Variants in SGTA observed in about 807,000 individuals in gnomAD.
SGTA encodes small glutamine-rich tetratricopeptide repeat-containing protein alpha.
In SGTA, 22 loss-of-function variants were observed where a neutral mutation model predicts 44.3. The ratio of observed to expected loss-of-function variants is 0.50; its 90% CI spans 0.36 to 0.71. The LOEUF (loss-of-function observed/expected upper bound fraction) is 0.71. SGTA is among the 30% of genes least tolerant of loss of function. SGTA has a pLI of 0.00. For synonymous variants in SGTA, 174 were observed against 177.6 expected, an observed-to-expected ratio of 0.98 and a Z score of 0.16; for missense variants, 341 against 435.9, an observed-to-expected ratio of 0.78 and a Z score of 1.94.
intron 1 of SGTA, among the ~76,000 whole-genome samples, chr19:2,783,027 G>A (rs1203619728): frequency 6.6e-6 from 1 of 152,258 alleles, no homozygotes; most frequent in Non-Finnish European, 1.5e-5. Flanking sequence ...AGGACCTGGG[G>A]CCTGGGGAAG....
chr19:2,759,730 G>A (rs1402771334), intron 8 of SGTA, among the ~76,000 whole-genome samples: 1 of 152,182 alleles, frequency 6.6e-6, no homozygotes, highest in Non-Finnish European at 1.5e-5. Context: ...GGAGGCCGAG[G>A]CAGGCAGATC....
At position 2,769,023 on chromosome 19, in the gene SGTA, G is replaced by C; in HGVS notation, c.46C>G (p.His16Asp). The change falls in exon 2 of 12, where the codon CAT (histidine) becomes GAT (aspartate). Residue 16 changes from histidine (H) to aspartate (D), a missense_variant. Physicochemically the swap from His to Asp is moderately conservative, Grantham distance 81 (BLOSUM62 -1). Coordinates refer to ENST00000221566, the MANE Select transcript of SGTA (RefSeq NM_003021.4). Reference sequence around the variant, plus strand: ...AGGCCCCCGTGCCGGAGCTGGTCATGCAGGAACTGGATGATGGCGTAGGCC... The same window carrying C: ...AGGCCCCCGTGCCGGAGCTGGTCATCCAGGAACTGGATGATGGCGTAGGCC... Reference protein sequence around the residue: ...RLAYAIIQFLHDQLRHGGLSS... With the variant: ...RLAYAIIQFLDDQLRHGGLSS... The C allele has an allele frequency of 6.2e-7, 1 of 1,614,032 alleles. No homozygotes were observed.
rs1471967447 is a variant in SGTA at position 2,763,255 on chromosome 19, C to A, written c.497+398G>T. Among the ~76,000 whole-genome samples the A allele has an allele frequency of 1.3e-5, 2 of 152,200 alleles. No homozygotes were observed. The highest frequency in any genetic ancestry group is 4.8e-5 in the African/African-American group (2 of 41,442). Reference sequence around the variant, plus strand: ...TGCTGGGAGGGCGGCACCGGCTGCACGGGGCGCAGGCTCCTGCCCCGGGGA... The same window carrying A: ...TGCTGGGAGGGCGGCACCGGCTGCAAGGGGCGCAGGCTCCTGCCCCGGGGA... On this transcript the variant is annotated intron_variant, in intron 6 of 11. Transcript: ENST00000221566. The surrounding 1 kb of genome is among the most constrained non-coding windows in gnomAD (Gnocchi z 5.8).
chr19:2,764,315 C>T lies in SGTA; in HGVS notation c.393-558G>A, dbSNP rs142953801. ...GATCCAAGACCACACATTCAAAAAA[C>T]ACAACCCTCCACATACTGGATTATT... On this transcript the variant is annotated intron_variant, in intron 5 of 11. Coordinates refer to ENST00000221566, the MANE Select transcript of SGTA (RefSeq NM_003021.4). Among the ~76,000 whole-genome samples the T allele has an allele frequency of 2.0e-5, 3 of 152,354 alleles. No individual in the cohort carries two copies. The East Asian group carries it at 5.8e-4, about 29-fold the overall frequency.
chr19:2,764,276 G>A (rs1456558060), intron 5 of SGTA, among the ~76,000 whole-genome samples: 1 of 152,208 alleles, frequency 6.6e-6, no homozygotes, highest in Non-Finnish European at 1.5e-5. Flanking sequence ...CAACTGTCCT[G>A]TAAGCCTGAA....
intron 11 of SGTA, among the ~76,000 whole-genome samples, chr19:2,756,954 C>T (rs1196574522): frequency 6.6e-6 from 1 of 152,216 alleles, no homozygotes; most frequent in Non-Finnish European, 1.5e-5. Flanking sequence ...CTCGCCCCCA[C>T]CCCCGAGGTG....
intron 2 of SGTA, 116 bp downstream of exon 2, chr19:2,768,853 C>T (rs1915220999): frequency 1.3e-6 from 1 of 767,232 alleles, no homozygotes; most frequent in Non-Finnish European, 2.2e-6. Flanking sequence ...CTGGGCTTAG[C>T]TTCCACCCCC....
At chr19:2,759,119 G>T in intron 9 of SGTA, 138 bp downstream of exon 9, 1 of 748,706 alleles carries the variant, frequency 1.3e-6, no homozygotes, top group Non-Finnish European at 2.4e-6. Context: ...AGTGGTGACA[G>T]TTGCATGACA....
chr19:2,768,279 T>C (rs1182797997), intron 2 of SGTA, among the ~76,000 whole-genome samples: 2 of 151,914 alleles, frequency 1.3e-5, no homozygotes, highest in Non-Finnish European at 2.9e-5. Context: ...CCCAGGGTCC[T>C]AACCCAGGTC....
At chr19:2,764,446 G>A (rs1272930537) in intron 5 of SGTA, among the ~76,000 whole-genome samples, 1 of 151,444 alleles carries the variant, frequency 6.6e-6, no homozygotes, top group Non-Finnish European at 1.5e-5. Context: ...TGCCCAGGCT[G>A]GAGTGCAGTG....
chr19:2,764,140 G>A (rs898645939), intron 5 of SGTA, among the ~76,000 whole-genome samples: 4 of 152,328 alleles, frequency 2.6e-5, no homozygotes, highest in Admixed American at 6.5e-5. Flanking sequence ...GGCTTACAGC[G>A]TCTGAATCGT....
intron 1 of SGTA, among the ~76,000 whole-genome samples, chr19:2,778,981 G>C (rs1915508946): frequency 6.6e-6 from 1 of 152,098 alleles, no homozygotes; most frequent in African/African-American, 2.4e-5. Flanking sequence ...CTGTGGCACT[G>C]TGGGCATCTT....
chr19:2,762,360 C>T, intron 7 of SGTA, 146 bp downstream of exon 7: 1 of 757,252 alleles, frequency 1.3e-6, no homozygotes, highest in Non-Finnish European at 2.2e-6. Flanking sequence ...ACTTCCACGC[C>T]TGTGCATCTC....
intron 4 of SGTA, among the ~76,000 whole-genome samples, chr19:2,766,772 G>A (rs1004747732): frequency 1.3e-5 from 2 of 151,848 alleles, no homozygotes; most frequent in African/African-American, 4.8e-5. Context: ...TACAGCTGCT[G>A]TGAACATGTG....
intron 9 of SGTA, among the ~76,000 whole-genome samples, chr19:2,759,040 G>A (rs1478772998): frequency 6.6e-6 from 1 of 152,138 alleles, no homozygotes; most frequent in Non-Finnish European, 1.5e-5. Flanking sequence ...ATGAAGATGG[G>A]TTGGTGCTCA....
intron 4 of SGTA, among the ~76,000 whole-genome samples, chr19:2,766,283 T>A (rs980805825): frequency 2.6e-5 from 4 of 151,986 alleles, no homozygotes; most frequent in Non-Finnish European, 5.9e-5. Context: ...TCTCCCTGAG[T>A]GTGATGTCTT....
In SGTA at chr19:2,757,328, T is replaced by G. The variant is rs914858227; in HGVS notation, c.*6+9A>C. On this transcript the variant is annotated intron_variant, in intron 11 of 11. Coordinates refer to ENST00000221566, the MANE Select transcript of SGTA (RefSeq NM_003021.4). The stretch of plus-strand genomic sequence containing the variant: ...GGCCACCCCCCAGCCCCCGGCCCCA[T>G]GCACTCACGCAGCGTCACTCCTGCT... The G allele has an allele frequency of 1.9e-6, 3 of 1,598,386 alleles. No individual in the cohort carries two copies. The highest frequency in any genetic ancestry group is 2.5e-6 in the Non-Finnish European group (3 of 1,178,510).
chr19:2,776,035 C>G (rs1000135778), intron 1 of SGTA, among the ~76,000 whole-genome samples: 2 of 152,078 alleles, frequency 1.3e-5, no homozygotes, highest in African/African-American at 4.8e-5. Context: ...GCAGCCAGTC[C>G]CAGAATCCAA....
At chr19:2,769,945 C>A (rs1336194188) in intron 1 of SGTA, among the ~76,000 whole-genome samples, 1 of 117,072 alleles carries the variant, frequency 8.5e-6, no homozygotes, top group African/African-American at 3.3e-5. Flanking sequence ...CCGCCTGGTT[C>A]CCCCCTCGGA....
Sources: gnomAD v4.1 joint callset for allele counts (sites outside exome capture counted in the v4.1 genomes callset) on GRCh38, gnomAD v4.1.1 for gene constraint, Gnocchi (gnomAD v3.1) non-coding constraint, MANE v1.5 for transcripts, NCBI Gene and HGNC (gene_info 2026-07-23, HGNC 2026-07-21) for gene names.